CNTNAP2: variants seen among roughly 807,000 people sequenced by gnomAD.
CNTNAP2 encodes the protein contactin associated protein 2.
A neutral mutation model predicts 155.2 loss-of-function variants in CNTNAP2; 98 were observed. The ratio of observed to expected loss-of-function variants is 0.63; its 90% CI spans 0.54 to 0.75. CNTNAP2 has a LOEUF of 0.75. Ranked by LOEUF, CNTNAP2 falls within the 30% of genes least tolerant of loss-of-function variation. The pLI, the probability that CNTNAP2 is intolerant of heterozygous loss-of-function variation, is 0.00. For missense variants in CNTNAP2, 1,727 were observed against 1,688.1 expected (o/e 1.02, Z -0.40); for synonymous variants, 651 against 631.2 (o/e 1.03, Z -0.47).
intron 1 of CNTNAP2, among the ~76,000 whole-genome samples, chr7:146,477,916 A>T (rs1382229815): frequency 6.6e-6 from 1 of 152,150 alleles, no homozygotes; most frequent in East Asian, 1.9e-4. Context: ...TATGCATTCT[A>T]CCGTCCTCCA....
chr7:146,396,614 T>C (rs1359923040), intron 1 of CNTNAP2, among the ~76,000 whole-genome samples: 1 of 151,700 alleles, frequency 6.6e-6, no homozygotes, highest in African/African-American at 2.4e-5. Context: ...TGCTGCAGAA[T>C]TAAAAGTCGC....
In CNTNAP2 at chr7:146,842,007, C is replaced by A. The variant is rs541213335; in HGVS notation, c.402+2103C>A. 4.9e-3 allele frequency among the ~76,000 whole-genome samples: 745 copies of A among 151,662 alleles called. 1 individual carries two copies. The highest frequency in any genetic ancestry group is 0.01 in the Middle Eastern group (3 of 292). On this transcript the variant is annotated intron_variant, in intron 3 of 23. Transcript: ENST00000361727. ...AAGCCATTCTCCTGCCTCAGCCTCCCGAGTAGCTGGGATTGCAGGCATCCA... is the reference window on the plus strand; with the variant it reads ...AAGCCATTCTCCTGCCTCAGCCTCCAGAGTAGCTGGGATTGCAGGCATCCA...
intron 15 of CNTNAP2, among the ~76,000 whole-genome samples, chr7:147,981,873 C>T (rs532092561): frequency 6.7e-6 from 1 of 149,922 alleles, no homozygotes; most frequent in Admixed American, 6.7e-5. Flanking sequence ...ATGGAAACTT[C>T]AAATCAAATG....
chr7:146,559,699 G>A (rs1438276354), intron 1 of CNTNAP2, among the ~76,000 whole-genome samples: 2 of 152,124 alleles, frequency 1.3e-5, no homozygotes, highest in Non-Finnish European at 2.9e-5. Flanking sequence ...AATATCATAA[G>A]TTTGATATTT....
chr7:148,066,628 G>A (rs1405868770), intron 15 of CNTNAP2, among the ~76,000 whole-genome samples: 1 of 151,824 alleles, frequency 6.6e-6, no homozygotes, highest in East Asian at 1.9e-4. Context: ...CTCCCGAGTA[G>A]CTGGGACTAC....
chr7:146,697,732 T>C (rs1347136189), intron 1 of CNTNAP2, among the ~76,000 whole-genome samples: 3 of 152,162 alleles, frequency 2.0e-5, no homozygotes, highest in African/African-American at 7.2e-5. Flanking sequence ...TTGTTTTTAA[T>C]CCACCGTGAT....
At chr7:146,724,160 C>G (rs1287269533) in intron 1 of CNTNAP2, among the ~76,000 whole-genome samples, 1 of 152,096 alleles carries the variant, frequency 6.6e-6, no homozygotes, top group East Asian at 1.9e-4. Flanking sequence ...TTCCTACAAT[C>G]TCACTTATTG....
intron 1 of CNTNAP2, among the ~76,000 whole-genome samples, chr7:146,393,109 C>T (rs10487936): frequency 2.6e-5 from 4 of 151,918 alleles, no homozygotes; most frequent in Non-Finnish European, 2.9e-5. Flanking sequence ...TAACTGATAA[C>T]GTGCATACAT....
intron 4 of CNTNAP2, among the ~76,000 whole-genome samples, chr7:147,090,037 G>C (rs764405035): frequency 6.6e-6 from 1 of 152,070 alleles, no homozygotes; most frequent in Non-Finnish European, 1.5e-5. Flanking sequence ...TCACTGGGGA[G>C]AAAATAAACC....
intron 12 of CNTNAP2, among the ~76,000 whole-genome samples, chr7:147,631,112 T>G (rs28862055): frequency 0.09 from 13,680 of 152,104 alleles, 1,709 homozygotes; most frequent in African/African-American, 0.26. Flanking sequence ...TATGATAAAT[T>G]AATTTAGTAA....
intron 14 of CNTNAP2, among the ~76,000 whole-genome samples, chr7:147,904,067 A>T (rs571209661): frequency 1.2e-4 from 19 of 152,314 alleles, no homozygotes; most frequent in African/African-American, 4.6e-4. Flanking sequence ...AGTGTGCATG[A>T]GTGCAGGCAG....
intron 2 of CNTNAP2, among the ~76,000 whole-genome samples, chr7:146,797,386 A>C (rs1307549914): frequency 6.6e-6 from 1 of 152,186 alleles, no homozygotes; most frequent in Non-Finnish European, 1.5e-5. Flanking sequence ...CCTTGATATC[A>C]TGTGGGGCTG....
At chr7:147,348,515 G>A (rs1340106752) in intron 9 of CNTNAP2, among the ~76,000 whole-genome samples, 1 of 152,000 alleles carries the variant, frequency 6.6e-6, no homozygotes, top group African/African-American at 2.4e-5. Context: ...CAAGTATGAA[G>A]AGAAAAGGGA....
intron 1 of CNTNAP2, among the ~76,000 whole-genome samples, chr7:146,406,629 G>C (rs910121195): frequency 9.9e-5 from 15 of 152,194 alleles, no homozygotes; most frequent in African/African-American, 3.6e-4. Context: ...AGAGGAGGTG[G>C]AGGAGAACAG....
chr7:148,267,274 C>T (rs937864854), intron 21 of CNTNAP2, 148 bp downstream of exon 21: 7 of 725,486 alleles, frequency 9.6e-6, no homozygotes, highest in African/African-American at 1.8e-5. Flanking sequence ...TGGTTGTTCT[C>T]GGTGTTGCAC....
rs113409144 is a variant in CNTNAP2, at chr7:148,121,573, G to A, written c.2554+3285G>A. 3.8e-3 allele frequency among the ~76,000 whole-genome samples: 572 copies of A among 152,236 alleles called. 2 individuals are homozygous for A. The highest frequency in any genetic ancestry group is 0.014 in the Middle Eastern group (4 of 294). Reference sequence around the variant, plus strand: ...AGGCCTTCTGATCTCTTTCTGATAGGAATTCACATTTTTTTTCTCTAAGCG... The same window carrying A: ...AGGCCTTCTGATCTCTTTCTGATAGAAATTCACATTTTTTTTCTCTAAGCG... On this transcript the variant is annotated intron_variant, in intron 16 of 23. Coordinates refer to ENST00000361727, the MANE Select transcript of CNTNAP2 (RefSeq NM_014141.6).
At chr7:146,996,267 C>T (rs951200739) in intron 3 of CNTNAP2, among the ~76,000 whole-genome samples, 4 of 151,720 alleles carry the variant, frequency 2.6e-5, no homozygotes, top group African/African-American at 9.7e-5. Flanking sequence ...TGTCATTGGT[C>T]CTTTGATAGG....
chr7:147,222,506 C>T (rs1280812623), intron 8 of CNTNAP2, among the ~76,000 whole-genome samples: 1 of 152,152 alleles, frequency 6.6e-6, no homozygotes, highest in African/African-American at 2.4e-5. Context: ...CCATTTAGAG[C>T]CCTTAGCATA....
intron 13 of CNTNAP2, among the ~76,000 whole-genome samples, chr7:147,866,762 T>TG (rs1223424619): frequency 3.3e-4 from 23 of 70,470 alleles, no homozygotes; most frequent in African/African-American, 1.4e-3. Context: ...TTTTTTTTTG[T>TG]TTTTTGTTGT....
Sources: allele counts gnomAD v4.1 joint callset (sites outside exome capture counted in the v4.1 genomes callset), GRCh38; gene constraint gnomAD v4.1.1; transcripts MANE v1.5; gene names NCBI Gene and HGNC (gene_info 2026-07-23, HGNC 2026-07-21).